C1orf198: variants seen among roughly 807,000 people sequenced by gnomAD.
The protein encoded by C1orf198 is uncharacterized protein C1orf198.
A neutral mutation model predicts 31.4 loss-of-function variants in C1orf198; 17 were observed. The observed-to-expected ratio is 0.54, with a 90% CI of 0.37 to 0.81. The LOEUF (loss-of-function observed/expected upper bound fraction) is 0.81, where lower values mean the gene tolerates loss of function less well. Ranked by LOEUF, C1orf198 falls within the 40% of genes least tolerant of loss-of-function variation. C1orf198 has a pLI of 0.00. For synonymous variants in C1orf198, 175 were observed against 193.8 expected, an observed-to-expected ratio of 0.90 and a Z score of 0.81; for missense variants, 401 against 450.3, an observed-to-expected ratio of 0.89 and a Z score of 0.99.
intron 2 of C1orf198, among the ~76,000 whole-genome samples, chr1:230,849,551 C>T (rs898786989): frequency 1.3e-5 from 2 of 152,232 alleles, no homozygotes; most frequent in South Asian, 4.1e-4. Flanking sequence ...GCGTCAGTCA[C>T]CCCATGCGGG....
At chr1:230,861,760 C>A (rs753383041) in intron 1 of C1orf198, among the ~76,000 whole-genome samples, 3 of 152,178 alleles carry the variant, frequency 2.0e-5, no homozygotes, top group Non-Finnish European at 2.9e-5. Flanking sequence ...CATGGGGGCT[C>A]CCTTAGGGCC....
At chr1:230,862,182 A>T (rs1332461918) in intron 1 of C1orf198, among the ~76,000 whole-genome samples, 1 of 152,186 alleles carries the variant, frequency 6.6e-6, no homozygotes, top group Non-Finnish European at 1.5e-5. Context: ...CTGTGGATCA[A>T]CTGTAAGGTT....
intron 1 of C1orf198, among the ~76,000 whole-genome samples, chr1:230,860,910 A>G (rs1254460122): frequency 6.6e-6 from 1 of 152,232 alleles, no homozygotes; most frequent in African/African-American, 2.4e-5. Flanking sequence ...CCACAATAAA[A>G]AGTCATGGAA....
chr1:230,837,147 G>A lies in C1orf198; in HGVS notation c.*2705C>T, dbSNP rs1292314037. ...CATTTTTTAAATGGCTTTATTAAAG[G>A]CTACAAGTATAAAATATGACTAAGT... is the stretch of plus-strand genomic sequence containing the variant. On this transcript the variant is annotated 3_prime_UTR_variant, in exon 4 of 4. Transcript: ENST00000366663. 1.3e-5 allele frequency: 2 copies of A among 152,638 alleles called. No homozygotes were observed. The highest frequency in any genetic ancestry group is 4.1e-4 in the South Asian group (2 of 4,828). The allele number at this position is 152,638 out of a possible 1,614,324, so 9.5% of individuals were successfully genotyped here. A position where few individuals can be genotyped will look rare whatever the true frequency, so the allele number is the denominator to read the frequency against.
intron 2 of C1orf198, among the ~76,000 whole-genome samples, chr1:230,851,643 C>T (rs984009870): frequency 2.0e-5 from 3 of 152,168 alleles, no homozygotes; most frequent in Non-Finnish European, 2.9e-5. Flanking sequence ...ATGACAATCA[C>T]GACCACCCCC....
At chr1:230,846,180 C>T (rs568525320) in intron 2 of C1orf198, among the ~76,000 whole-genome samples, 3 of 152,186 alleles carry the variant, frequency 2.0e-5, no homozygotes, top group African/African-American at 7.2e-5. Flanking sequence ...ACAATTTAAA[C>T]CTTTCCTTTT....
chr1:230,850,764 T>A (rs1669720175), intron 2 of C1orf198, among the ~76,000 whole-genome samples: 1 of 151,752 alleles, frequency 6.6e-6, no homozygotes, highest in Admixed American at 6.6e-5. Flanking sequence ...GGTGGGTGGA[T>A]GCAGCCCCAT....
intron 1 of C1orf198, among the ~76,000 whole-genome samples, chr1:230,856,610 C>T (rs775453091): frequency 2.6e-5 from 4 of 152,108 alleles, no homozygotes; most frequent in Non-Finnish European, 5.9e-5. Context: ...CCAGGCTGGA[C>T]GCAAACTCCT....
chr1:230,843,237 A>G lies in C1orf198; in HGVS notation c.927+117T>C, dbSNP rs1572125771. On this transcript the variant is annotated intron_variant, in intron 3 of 3. Transcript: ENST00000366663. The surrounding 1 kb of genome is among the most constrained non-coding windows in gnomAD (Gnocchi z 4.9). ...GCATCCTCTGAGGAAGAGGCAGGGG[A>G]AGGAGAAGAAAAAGAGCATGGGCAC... 1 of 1,204,782 alleles carries G rather than the reference A, an allele frequency of 8.3e-7. No individual in the cohort carries two copies. Among genetic ancestry groups the G allele is most frequent in the Non-Finnish European group, 1.1e-6 (1 of 871,354 alleles). 74.6% of individuals were successfully genotyped at this position (1,204,782 alleles called of 1,614,324 possible). A position where few individuals can be genotyped will look rare whatever the true frequency, so the allele number is the denominator to read the frequency against.
intron 1 of C1orf198, among the ~76,000 whole-genome samples, chr1:230,867,108 C>A (rs1390191213): frequency 3.3e-5 from 5 of 152,198 alleles, no homozygotes; most frequent in Non-Finnish European, 5.9e-5. Context: ...CGGAAAAAAT[C>A]TCTCCCAGCT....
At chr1:230,858,214 T>C (rs1669923276) in intron 1 of C1orf198, among the ~76,000 whole-genome samples, 1 of 152,162 alleles carries the variant, frequency 6.6e-6, no homozygotes, top group Non-Finnish European at 1.5e-5. Flanking sequence ...GTGTGCATGC[T>C]AGGGGTACAG....
intron 3 of C1orf198, among the ~76,000 whole-genome samples, chr1:230,842,920 T>C (rs1170164414): frequency 6.6e-6 from 1 of 152,184 alleles, no homozygotes; most frequent in Non-Finnish European, 1.5e-5. Context: ...CTCTCAAGTG[T>C]GCCTGCCTGC....
chr1:230,842,029 C>T (rs2102971482), intron 3 of C1orf198, among the ~76,000 whole-genome samples: 1 of 152,236 alleles, frequency 6.6e-6, no homozygotes, highest in East Asian at 1.9e-4. Flanking sequence ...AAGTCAGTCA[C>T]AAAAGGGTAA....
rs1440073478 is a variant in C1orf198, at chr1:230,863,623, G to A, written c.333+4557C>T. 4.6e-5 allele frequency among the ~76,000 whole-genome samples: 7 copies of A among 152,348 alleles called. No homozygotes were observed. In the South Asian group the frequency reaches 1.0e-3, roughly 23 times the overall value. On this transcript the variant is annotated intron_variant, in intron 1 of 3. Coordinates refer to ENST00000366663, the MANE Select transcript of C1orf198 (RefSeq NM_032800.3). ...CTCCCACAGGAGCCAGCAGGCAGAG[G>A]TGCCTGGGGAGGAGAGGCCTAAGCT...
intron 3 of C1orf198, among the ~76,000 whole-genome samples, chr1:230,841,561 G>C (rs1669442150): frequency 6.6e-6 from 1 of 152,176 alleles, no homozygotes; most frequent in African/African-American, 2.4e-5. Context: ...CACGATCATG[G>C]ACAGGCAAGT....
intron 1 of C1orf198, 67 bp downstream of exon 1, chr1:230,868,113 C>G: frequency 7.7e-7 from 1 of 1,306,120 alleles, no homozygotes; most frequent in African/African-American, 1.6e-5. Context: ...CCGGCAGGTG[C>G]CCACCGGGCC....
intron 1 of C1orf198, among the ~76,000 whole-genome samples, chr1:230,867,151 C>A (rs796561322): frequency 6.6e-6 from 1 of 152,220 alleles, no homozygotes; most frequent in Non-Finnish European, 1.5e-5. Context: ...ACAGCCTTAA[C>A]AGCGAGCGAT....
At chr1:230,863,897 C>T (rs971692024) in intron 1 of C1orf198, among the ~76,000 whole-genome samples, 8 of 152,220 alleles carry the variant, frequency 5.3e-5, no homozygotes, top group Admixed American at 1.3e-4. Context: ...AAACATCCAC[C>T]TTCCTTAAAA....
intron 1 of C1orf198, among the ~76,000 whole-genome samples, chr1:230,863,290 T>C (rs1202578): frequency 0.65 from 98,801 of 152,000 alleles, 32,394 homozygotes; most frequent in South Asian, 0.73. Context: ...AAACTCAGCA[T>C]GAGCATGGTA....
Sources: gnomAD v4.1 joint callset for allele counts (sites outside exome capture counted in the v4.1 genomes callset) on GRCh38, gnomAD v4.1.1 for gene constraint, Gnocchi (gnomAD v3.1) non-coding constraint, MANE v1.5 for transcripts, NCBI Gene and HGNC (gene_info 2026-07-23, HGNC 2026-07-21) for gene names.